LRRC8D: variants seen among roughly 807,000 people sequenced by gnomAD.
LRRC8D encodes the protein leucine rich repeat containing 8 VRAC subunit D.
In LRRC8D, 20 loss-of-function variants were observed where a neutral mutation model predicts 55.8. The observed-to-expected ratio is 0.36, with a 90% CI of 0.25 to 0.52. The LOEUF is 0.52. Ranked by LOEUF, LRRC8D falls within the 20% of genes least tolerant of loss-of-function variation. The pLI is 0.93. For synonymous variants in LRRC8D, 352 were observed against 377.0 expected (o/e 0.93, Z 0.77); for missense variants, 651 against 1,030.8 (o/e 0.63, Z 5.05).
intron 2 of LRRC8D, among the ~76,000 whole-genome samples, chr1:89,896,849 T>G (rs185257280): frequency 1.3e-5 from 2 of 152,354 alleles, no homozygotes; most frequent in Admixed American, 6.5e-5. Context: ...AATAAACATA[T>G]TCACATATTC....
intron 2 of LRRC8D, among the ~76,000 whole-genome samples, chr1:89,864,175 T>C (rs1661788226): frequency 6.6e-6 from 1 of 152,226 alleles, no homozygotes; most frequent in African/African-American, 2.4e-5. Flanking sequence ...AACCAAGACT[T>C]TCCAAAAAGA....
At chr1:89,907,797 A>G (rs1189385428) in intron 2 of LRRC8D, among the ~76,000 whole-genome samples, 1 of 152,116 alleles carries the variant, frequency 6.6e-6, no homozygotes. Flanking sequence ...ACTTCTTTCC[A>G]CCATCACCAC....
intron 2 of LRRC8D, among the ~76,000 whole-genome samples, chr1:89,881,921 C>T (rs149005230): frequency 2.0e-5 from 3 of 152,306 alleles, no homozygotes; most frequent in Admixed American, 1.3e-4. Flanking sequence ...TTTAACTCTG[C>T]GAGCTGTTCA....
At chr1:89,913,433 T>C (rs147544884) in intron 2 of LRRC8D, among the ~76,000 whole-genome samples, 35 of 152,366 alleles carry the variant, frequency 2.3e-4, no homozygotes, top group African/African-American at 7.9e-4. Flanking sequence ...CCCTATAAGC[T>C]TCAGTACTTG....
chr1:89,905,599 T>C (rs1662968578), intron 2 of LRRC8D, among the ~76,000 whole-genome samples: 1 of 152,220 alleles, frequency 6.6e-6, no homozygotes, highest in African/African-American at 2.4e-5. Flanking sequence ...ATCATCTTTA[T>C]TACTGATGAT....
rs1660731222 is a variant in LRRC8D, at chr1:89,825,035, A to G, written c.-148+3744A>G. On this transcript the variant is annotated intron_variant, in intron 1 of 2. Transcript: ENST00000337338. ...TTTCTTGGGCAGATTTTTTTGGAGA[A>G]GTTTTTTTTGTTGTTGTTGTTCCTT... Among the ~76,000 whole-genome samples, 15 of 152,042 alleles carry G rather than the reference A, an allele frequency of 9.9e-5. No homozygotes were observed. The South Asian group carries it at 2.9e-3, about 29-fold the overall frequency.
At chr1:89,901,777 G>A (rs1662858942) in intron 2 of LRRC8D, among the ~76,000 whole-genome samples, 1 of 152,192 alleles carries the variant, frequency 6.6e-6, no homozygotes, top group Non-Finnish European at 1.5e-5. Flanking sequence ...ACCTTAGCTG[G>A]ACTTTCTTAT....
chr1:89,928,085 T>G (rs1663613175), intron 2 of LRRC8D, among the ~76,000 whole-genome samples: 1 of 152,234 alleles, frequency 6.6e-6, no homozygotes, highest in East Asian at 1.9e-4. Context: ...GTTTTTGTTT[T>G]TGAGACGGGA....
At chr1:89,901,054 C>G (rs1372621627) in intron 2 of LRRC8D, among the ~76,000 whole-genome samples, 1 of 152,182 alleles carries the variant, frequency 6.6e-6, no homozygotes. Flanking sequence ...AGACTGTGAC[C>G]ATGCATTTCT....
intron 2 of LRRC8D, among the ~76,000 whole-genome samples, chr1:89,880,846 G>A (rs1662264132): frequency 6.6e-6 from 1 of 151,814 alleles, no homozygotes; most frequent in Admixed American, 6.6e-5. Context: ...GCTAACATAC[G>A]TATGTCACTG....
intron 2 of LRRC8D, among the ~76,000 whole-genome samples, chr1:89,852,106 A>T (rs960287576): frequency 6.6e-6 from 1 of 152,138 alleles, no homozygotes; most frequent in Non-Finnish European, 1.5e-5. Flanking sequence ...ACAAAGTCTG[A>T]TAAAATCATA....
chr1:89,837,997 A>G (rs1376051521), intron 1 of LRRC8D, among the ~76,000 whole-genome samples: 1 of 151,904 alleles, frequency 6.6e-6, no homozygotes, highest in Non-Finnish European at 1.5e-5. Flanking sequence ...AATGAACATT[A>G]TATTTATTTG....
At chr1:89,837,891 C>T (rs1052732828) in intron 1 of LRRC8D, among the ~76,000 whole-genome samples, 1 of 151,976 alleles carries the variant, frequency 6.6e-6, no homozygotes, top group African/African-American at 2.4e-5. Context: ...GTGTAGACTC[C>T]ATTATAATGT....
At chr1:89,932,135 G>A (rs1663718770) in intron 2 of LRRC8D, among the ~76,000 whole-genome samples, 1 of 152,206 alleles carries the variant, frequency 6.6e-6, no homozygotes, top group South Asian at 2.1e-4. Flanking sequence ...CTATAAAGCT[G>A]TCAGCTGATA....
chr1:89,914,517 G>A (rs1663209838), intron 2 of LRRC8D, among the ~76,000 whole-genome samples: 3 of 116,288 alleles, frequency 2.6e-5, no homozygotes, highest in Admixed American at 2.4e-4. Context: ...CACACAATGT[G>A]ACTACAGATT....
intron 2 of LRRC8D, among the ~76,000 whole-genome samples, chr1:89,898,227 T>G (rs1183656571): frequency 1.3e-5 from 2 of 152,170 alleles, no homozygotes. Context: ...GGCCACCACA[T>G]TTATCAAATC....
chr1:89,877,218 T>TTCTC (rs200283038), intron 2 of LRRC8D, among the ~76,000 whole-genome samples: 2 of 151,354 alleles, frequency 1.3e-5, no homozygotes, highest in African/African-American at 4.9e-5. Context: ...AAACAGTTCT[T>TTCTC]TCTCTCTCTC....
At chr1:89,914,257 G>A (rs575674099) in intron 2 of LRRC8D, among the ~76,000 whole-genome samples, 2 of 152,220 alleles carry the variant, frequency 1.3e-5, no homozygotes, top group Admixed American at 1.3e-4. Flanking sequence ...CTCCGAGTGC[G>A]GGGCCCACCA....
chr1:89,830,967 G>T (rs1369531941), intron 1 of LRRC8D, among the ~76,000 whole-genome samples: 1 of 143,588 alleles, frequency 7.0e-6, no homozygotes, highest in Non-Finnish European at 1.5e-5. Context: ...GTGCAGTGCT[G>T]TGATCTTGGC....
Sources: allele counts gnomAD v4.1 joint callset (sites outside exome capture counted in the v4.1 genomes callset), GRCh38; gene constraint gnomAD v4.1.1; transcripts MANE v1.5; gene names NCBI Gene and HGNC (gene_info 2026-07-23, HGNC 2026-07-21).